Variants in CRB1 observed in about 807,000 individuals in gnomAD.
The protein encoded by CRB1 is protein crumbs homolog 1.
Under a neutral mutation model 120.0 loss-of-function variants are expected in CRB1, and 83 were observed. That is an observed-to-expected ratio of 0.69 (90% CI 0.58 to 0.83). The LOEUF (loss-of-function observed/expected upper bound fraction) is 0.83, where lower values mean the gene tolerates loss of function less well. Ranked by LOEUF, CRB1 falls within the 40% of genes least tolerant of loss-of-function variation. CRB1 has a pLI of 0.00. For missense variants in CRB1, 1,699 were observed against 1,687.6 expected (o/e 1.01, Z -0.12); for synonymous variants, 625 against 612.5 (o/e 1.02, Z -0.30).
the CRB1 span, among the ~76,000 whole-genome samples, chr1:197,221,108 G>C: frequency 6.6e-6 from 1 of 152,180 alleles, no homozygotes; most frequent in Non-Finnish European, 1.5e-5. Context: ...TGCATAAGGT[G>C]TGTAAAGTGA....
At chr1:197,425,589 C>T (rs182548571) in intron 6 of CRB1, among the ~76,000 whole-genome samples, 69 of 152,284 alleles carry the variant, frequency 4.5e-4, no homozygotes, top group African/African-American at 1.6e-3. Context: ...GCTTTCTAGA[C>T]TGCAAAATCA....
At chr1:197,472,002 A>G (rs1667002420) in intron 11 of CRB1, among the ~76,000 whole-genome samples, 1 of 152,204 alleles carries the variant, frequency 6.6e-6, no homozygotes, top group Non-Finnish European at 1.5e-5. Context: ...GATGGAAGAT[A>G]AATATTCCAA....
At chr1:197,347,200 T>C (rs1270518262) in intron 3 of CRB1, 140 bp from the exon 4 acceptor site, 3 of 773,430 alleles carry the variant, frequency 3.9e-6, no homozygotes, top group African/African-American at 3.4e-5. Flanking sequence ...TTCAGTCCTG[T>C]ATAGATAATT....
At chr1:197,285,361 G>C (rs182559834) in intron 1 of CRB1, among the ~76,000 whole-genome samples, 1 of 151,822 alleles carries the variant, frequency 6.6e-6, no homozygotes, top group Non-Finnish European at 1.5e-5. Context: ...GAGGCAACTT[G>C]TTAGAAGGCC....
At chr1:197,238,443 A>G in the CRB1 span, among the ~76,000 whole-genome samples, 1 of 152,190 alleles carries the variant, frequency 6.6e-6, no homozygotes, top group Admixed American at 6.5e-5. Context: ...TTTTCCCTTT[A>G]CATTTCTCTC....
chr1:197,271,923 TA>T (rs1189924331), intron 1 of CRB1, among the ~76,000 whole-genome samples: 1 of 151,872 alleles, frequency 6.6e-6, no homozygotes, highest in African/African-American at 2.4e-5. Context: ...TCACAACATG[TA>T]AAAAAAATGT....
At chr1:197,205,339 A>G in the CRB1 span, among the ~76,000 whole-genome samples, 1 of 152,092 alleles carries the variant, frequency 6.6e-6, no homozygotes, top group African/African-American at 2.4e-5. Context: ...TCTCAGGGGG[A>G]ATGCTTTCAA....
intron 8 of CRB1, among the ~76,000 whole-genome samples, chr1:197,432,033 T>G (rs879644703): frequency 2.0e-5 from 3 of 152,148 alleles, no homozygotes; most frequent in Non-Finnish European, 4.4e-5. Flanking sequence ...CTTTAGGACT[T>G]TAATCATCTC....
intron 1 of CRB1, among the ~76,000 whole-genome samples, chr1:197,315,710 A>C (rs1558048431): frequency 6.6e-6 from 1 of 152,236 alleles, no homozygotes; most frequent in East Asian, 1.9e-4. Context: ...CTTAATTAAA[A>C]ATAACCTTCA....
chr1:197,394,336 TA>T (rs1490939674), intron 5 of CRB1, among the ~76,000 whole-genome samples: 1 of 152,134 alleles, frequency 6.6e-6, no homozygotes, highest in East Asian at 1.9e-4. Context: ...ATAATACATA[TA>T]ACATGCAAAA....
the CRB1 span, among the ~76,000 whole-genome samples, chr1:197,242,410 C>G: frequency 2.0e-5 from 3 of 152,054 alleles, no homozygotes; most frequent in African/African-American, 7.2e-5. Flanking sequence ...TTATCAAAGG[C>G]CTTTTCTGCA....
chr1:197,448,701 T>C (rs1175241801), intron 11 of CRB1, among the ~76,000 whole-genome samples: 2 of 152,212 alleles, frequency 1.3e-5, no homozygotes, highest in African/African-American at 2.4e-5. Flanking sequence ...TCTTCTAGGA[T>C]CCTTTCCCTG....
chr1:197,335,719 C>T (rs2125315215), intron 2 of CRB1, among the ~76,000 whole-genome samples: 1 of 152,220 alleles, frequency 6.6e-6, no homozygotes, highest in East Asian at 1.9e-4. Flanking sequence ...AGGGTGGCCT[C>T]GATCTCCGGA....
At chr1:197,428,576 A>G (rs1664714803) in intron 7 of CRB1, among the ~76,000 whole-genome samples, 1 of 152,220 alleles carries the variant, frequency 6.6e-6, no homozygotes, top group African/African-American at 2.4e-5. Context: ...CAAAGGAAAA[A>G]AAGGAAACGC....
At chr1:197,397,543 G>A (rs1010803008) in intron 5 of CRB1, among the ~76,000 whole-genome samples, 2 of 152,012 alleles carry the variant, frequency 1.3e-5, no homozygotes, top group South Asian at 2.1e-4. Flanking sequence ...TCATAATTTC[G>A]AAAACCTGAT....
At chr1:197,225,758 C>G in the CRB1 span, among the ~76,000 whole-genome samples, 1 of 152,238 alleles carries the variant, frequency 6.6e-6, no homozygotes, top group Non-Finnish European at 1.5e-5. Flanking sequence ...AAGGCAGGAA[C>G]TGCTGTTTCC....
At chr1:197,315,110 G>A (rs548115393) in intron 1 of CRB1, among the ~76,000 whole-genome samples, 1 of 152,290 alleles carries the variant, frequency 6.6e-6, no homozygotes, top group South Asian at 2.1e-4. Context: ...GTGTATTTAT[G>A]TGTGTTTCAC....
chr1:197,250,267 A>G, the CRB1 span, among the ~76,000 whole-genome samples: 6 of 151,834 alleles, frequency 4.0e-5, no homozygotes, highest in Admixed American at 2.0e-4. Flanking sequence ...ACCCTTTACT[A>G]TTATCCTGTG....
chr1:197,346,265 T>C (rs1429713405), intron 3 of CRB1, among the ~76,000 whole-genome samples: 1 of 150,960 alleles, frequency 6.6e-6, no homozygotes, highest in Non-Finnish European at 1.5e-5. Context: ...ATGTTTGCTA[T>C]GAGATACATT....
Sources: gnomAD v4.1 joint callset for allele counts (sites outside exome capture counted in the v4.1 genomes callset) on GRCh38, gnomAD v4.1.1 for gene constraint, MANE v1.5 for transcripts, NCBI Gene and HGNC (gene_info 2026-07-23, HGNC 2026-07-21) for gene names.